Variants in STARD13 observed in about 807,000 individuals in gnomAD.
STARD13 encodes the protein StAR related lipid transfer domain containing 13.
In STARD13, 62 loss-of-function variants were observed where a neutral mutation model predicts 106.4. The observed-to-expected ratio is 0.58, with a 90% CI of 0.48 to 0.72. The LOEUF is 0.72. STARD13 is among the 30% of genes least tolerant of loss of function. The pLI is 0.00. For missense variants in STARD13, 1,387 were observed against 1,424.0 expected, an observed-to-expected ratio of 0.97 and a Z score of 0.42; for synonymous variants, 565 against 553.0, an observed-to-expected ratio of 1.02 and a Z score of -0.31.
intron 3 of STARD13, among the ~76,000 whole-genome samples, chr13:33,162,397 T>C (rs1486078150): frequency 6.6e-6 from 1 of 152,226 alleles, no homozygotes; most frequent in African/African-American, 2.4e-5. Context: ...GGATTACCAT[T>C]TGGCTCCTTG....
chr13:33,600,711 A>G, the STARD13 span, among the ~76,000 whole-genome samples: 57 of 152,342 alleles, frequency 3.7e-4, 1 homozygote, highest in Middle Eastern at 6.8e-3. Context: ...TATGGCTGTC[A>G]ATACCTTAAT....
intron 3 of STARD13, among the ~76,000 whole-genome samples, chr13:33,152,941 A>G (rs1357702861): frequency 6.6e-6 from 1 of 152,224 alleles, no homozygotes; most frequent in Non-Finnish European, 1.5e-5. Context: ...TCTTTAAGAA[A>G]GAGTAAGTGA....
At chr13:33,548,598 A>G in the STARD13 span, among the ~76,000 whole-genome samples, 1 of 152,198 alleles carries the variant, frequency 6.6e-6, no homozygotes, top group African/African-American at 2.4e-5. Flanking sequence ...ACTTAATTTT[A>G]GATATGTGTG....
At chr13:33,439,796 C>CA in the STARD13 span, 2 of 774,532 alleles carry the variant, frequency 2.6e-6, no homozygotes, top group African/African-American at 3.8e-5. Context: ...GAGTTTGAGA[C>CA]AAAAAATAAG....
chr13:33,602,709 G>A, the STARD13 span, among the ~76,000 whole-genome samples: 1 of 152,194 alleles, frequency 6.6e-6, no homozygotes, highest in Non-Finnish European at 1.5e-5. Context: ...AGGTAAGCAA[G>A]CATTACTGCC....
intron 3 of STARD13, among the ~76,000 whole-genome samples, chr13:33,148,970 T>A (rs1880910106): frequency 6.6e-6 from 1 of 152,158 alleles, no homozygotes; most frequent in Non-Finnish European, 1.5e-5. Context: ...GAAGGCTATA[T>A]CCTCTATGAT....
At chr13:33,233,684 G>A (rs1045467357) in intron 1 of STARD13, among the ~76,000 whole-genome samples, 11 of 152,236 alleles carry the variant, frequency 7.2e-5, no homozygotes, top group Admixed American at 2.6e-4. Flanking sequence ...CACCCCACAC[G>A]ATGAGGCAAG....
At chr13:33,403,686 T>C in the STARD13 span, among the ~76,000 whole-genome samples, 4 of 152,212 alleles carry the variant, frequency 2.6e-5, no homozygotes, top group South Asian at 2.1e-4. Context: ...CAAAGCACTA[T>C]CCTTGTATAA....
chr13:33,287,399 G>T (rs1464526290), upstream of STARD13, among the ~76,000 whole-genome samples: 6 of 152,176 alleles, frequency 3.9e-5, no homozygotes, highest in Non-Finnish European at 8.8e-5. Flanking sequence ...GTAATTGTCA[G>T]CCTCTTCGGG....
At chr13:33,121,567 CA>C (rs1240533382) in intron 7 of STARD13, among the ~76,000 whole-genome samples, 3,624 of 65,160 alleles carry the variant, frequency 0.056, 101 homozygotes, top group African/African-American at 0.15. Flanking sequence ...GACTCCACCT[CA>C]AAAAAAAAAA....
chr13:33,514,849 T>A, the STARD13 span, among the ~76,000 whole-genome samples: 1 of 151,880 alleles, frequency 6.6e-6, no homozygotes, highest in Non-Finnish European at 1.5e-5. Flanking sequence ...CGTGGACCTC[T>A]CCCCCGGCAC....
chr13:33,104,686 G>A lies in STARD13; in HGVS notation c.*907C>T, dbSNP rs927312744. ...TTTATAAAAACTTGAGACAACACAG[G>A]GGCTCCCTTTGGCTGTGAAGAAGTA... On this transcript the variant is annotated 3_prime_UTR_variant, in exon 14 of 14. Transcript: ENST00000336934. The A allele has an allele frequency of 6.5e-6, 1 of 153,302 alleles. No homozygotes were observed. The highest frequency in any genetic ancestry group is 6.5e-5 in the Admixed American group (1 of 15,278). The allele number at this position is 153,302 out of a possible 1,614,324, so 9.5% of individuals were successfully genotyped here.
At chr13:33,425,275 A>T in the STARD13 span, among the ~76,000 whole-genome samples, 1 of 152,224 alleles carries the variant, frequency 6.6e-6, no homozygotes, top group Non-Finnish European at 1.5e-5. Flanking sequence ...CATAGTGTCC[A>T]GCAAGCATCT....
the STARD13 span, among the ~76,000 whole-genome samples, chr13:33,528,450 T>C: frequency 6.6e-6 from 1 of 150,924 alleles, no homozygotes; most frequent in Non-Finnish European, 1.5e-5. Context: ...TTTTTCTTTA[T>C]TTTTGTAGAG....
the STARD13 span, among the ~76,000 whole-genome samples, chr13:33,671,534 G>A: frequency 2.0e-5 from 3 of 152,040 alleles, no homozygotes; most frequent in Admixed American, 6.6e-5. Flanking sequence ...GTTCAAGACC[G>A]GCCTGGGCAA....
the STARD13 span, among the ~76,000 whole-genome samples, chr13:33,414,619 A>G: frequency 2.7e-5 from 4 of 145,876 alleles, no homozygotes; most frequent in African/African-American, 1.0e-4. Flanking sequence ...AAGAATTAGT[A>G]GTTGCCAGAA....
intron 10 of STARD13, 57 bp downstream of exon 10, chr13:33,111,721 C>A (rs547026349): frequency 9.9e-7 from 1 of 1,006,158 alleles, no homozygotes; most frequent in Non-Finnish European, 1.6e-6. Flanking sequence ...CAATCCCAAG[C>A]GTCTTATCTA....
intron 1 of STARD13, among the ~76,000 whole-genome samples, chr13:33,268,581 G>A (rs929643817): frequency 6.6e-6 from 1 of 152,172 alleles, no homozygotes; most frequent in African/African-American, 2.4e-5. Context: ...GAGGAAATAG[G>A]CTTATAGAGT....
upstream of STARD13, chr13:33,285,875 G>A: frequency 1.1e-6 from 1 of 870,080 alleles, no homozygotes; most frequent in African/African-American, 1.7e-5. Context: ...TCAGCCCTAA[G>A]CCCCGACCAG....
Sources: gnomAD v4.1 joint callset for allele counts (sites outside exome capture counted in the v4.1 genomes callset) on GRCh38, gnomAD v4.1.1 for gene constraint, MANE v1.5 for transcripts, NCBI Gene and HGNC (gene_info 2026-07-23, HGNC 2026-07-21) for gene names.